SLC7A11: variants seen among roughly 807,000 people sequenced by gnomAD.
The protein encoded by SLC7A11 is cystine/glutamate transporter.
SLC7A11 carries 35 observed loss-of-function variants against 54.5 expected under a neutral mutation model. The ratio of observed to expected loss-of-function variants is 0.64; its 90% confidence interval spans 0.49 to 0.85. SLC7A11 has a LOEUF of 0.85. Among genes scored for constraint, SLC7A11 ranks in the 40% least tolerant of loss-of-function variants. The probability of loss-of-function intolerance (pLI) is 0.00; values close to 1 mark genes in which losing one functional copy is unlikely to be tolerated. For missense variants in SLC7A11, 583 were observed against 618.1 expected, an observed-to-expected ratio of 0.94 and a Z score of 0.60; for synonymous variants, 230 against 225.2, an observed-to-expected ratio of 1.02 and a Z score of -0.19.
Position 138,166,726 on chromosome 4 carries a change from C to G in SLC7A11, c.*5230G>C, listed in dbSNP as rs1360952228. 6.6e-6 allele frequency: 1 copy of G among 152,412 alleles called. No homozygotes were observed. The allele number at this position is 152,412 out of a possible 1,614,324, so 9.4% of individuals were successfully genotyped here. ...CTTGATTCAAGTACGCTGAAACACACACATGTAACAGCTATTAGGACACTG... is the reference window on the plus strand; with the variant it reads ...CTTGATTCAAGTACGCTGAAACACAGACATGTAACAGCTATTAGGACACTG... On this transcript the variant is annotated 3_prime_UTR_variant, in exon 12 of 12. Coordinates refer to ENST00000280612, the MANE Select transcript of SLC7A11 (RefSeq NM_014331.4).
In SLC7A11 at chr4:138,234,982, A is replaced by C. The variant is rs568447494; in HGVS notation, c.404+1343T>G. 2.0e-5 allele frequency among the ~76,000 whole-genome samples: 3 copies of C among 152,348 alleles called. No homozygotes were observed. The South Asian group carries it at 6.2e-4, about 32-fold the overall frequency. On this transcript the variant is annotated intron_variant, in intron 2 of 11. Transcript: ENST00000280612. ...ATTTAATATATGCCAAAAAAAGGGC[A>C]CTGACCTAAGTAGTATATGGGTTAC...
chr4:138,183,064 GA>G, intron 8 of SLC7A11, 137 bp downstream of exon 8: 1 of 637,598 alleles, frequency 1.6e-6, no homozygotes, highest in Non-Finnish European at 2.8e-6. Context: ...TTGATACTTG[GA>G]CCAATATTTC....
At chr4:138,181,597 TC>T (rs1480891328) in intron 9 of SLC7A11, among the ~76,000 whole-genome samples, 2 of 152,094 alleles carry the variant, frequency 1.3e-5, no homozygotes, top group Non-Finnish European at 2.9e-5. Context: ...AAAAAAATGT[TC>T]AGTGCATTCT....
chr4:138,220,486 T>C (rs185256023), intron 4 of SLC7A11, among the ~76,000 whole-genome samples: 2 of 152,274 alleles, frequency 1.3e-5, no homozygotes, highest in Admixed American at 1.3e-4. Flanking sequence ...TGAAAAGATA[T>C]TATAATGAAC....
In SLC7A11 at chr4:138,164,099, A is replaced by T. The variant is rs1471924170; in HGVS notation, c.*7857T>A. 3 of 152,604 alleles carry T rather than the reference A, an allele frequency of 2.0e-5. No individual in the cohort carries two copies. In the Admixed American group the frequency reaches 2.0e-4, roughly 10 times the overall value. The allele number at this position is 152,604 out of a possible 1,614,324, so 9.5% of individuals were successfully genotyped here. A position where few individuals can be genotyped will look rare whatever the true frequency, so the allele number is the denominator to read the frequency against. On this transcript the variant is annotated 3_prime_UTR_variant, in exon 12 of 12. Coordinates refer to ENST00000280612, the MANE Select transcript of SLC7A11 (RefSeq NM_014331.4). ...AAAGCAAAACATGACGACATTTATT[A>T]TGTAAACTATCAAATGTTTATTTAA...
chr4:138,227,065 G>A (rs1466595863), intron 3 of SLC7A11, among the ~76,000 whole-genome samples: 1 of 152,176 alleles, frequency 6.6e-6, no homozygotes, highest in Non-Finnish European at 1.5e-5. Flanking sequence ...GAATGTTAAG[G>A]ACTGAAGCTG....
At chr4:138,184,001 A>G (rs530584658) in intron 7 of SLC7A11, among the ~76,000 whole-genome samples, 7 of 152,306 alleles carry the variant, frequency 4.6e-5, no homozygotes, top group Non-Finnish European at 7.4e-5. Flanking sequence ...CTTTTATGCC[A>G]TGATATGTGC....
intron 5 of SLC7A11, among the ~76,000 whole-genome samples, chr4:138,216,349 G>C (rs1263687460): frequency 6.6e-6 from 1 of 151,854 alleles, no homozygotes; most frequent in East Asian, 1.9e-4. Flanking sequence ...AAAAGGAAGA[G>C]AAAAAGACAC....
intron 6 of SLC7A11, among the ~76,000 whole-genome samples, chr4:138,196,667 TATTA>T (rs1737139743): frequency 6.6e-6 from 1 of 150,490 alleles, no homozygotes; most frequent in South Asian, 2.1e-4. Flanking sequence ...TTTATTTTAT[TATTA>T]TTTTTTAGAC....
At position 138,212,177 on chromosome 4, in the gene SLC7A11, A is replaced by G. The variant is rs371281071; in HGVS notation, c.791+2408T>C. On this transcript the variant is annotated intron_variant, in intron 6 of 11. Coordinates refer to ENST00000280612, the MANE Select transcript of SLC7A11 (RefSeq NM_014331.4). The stretch of plus-strand genomic sequence containing the variant: ...GGATCAAGAATGCATAATAGAGATC[A>G]AAAATGCATATGAGGTTTGACACTA... Among the ~76,000 whole-genome samples the G allele has an allele frequency of 1.8e-3, 275 of 151,992 alleles. 2 individuals carry two copies. Among genetic ancestry groups the G allele is most frequent in the African/African-American group, 6.1e-3 (255 of 41,540 alleles).
chr4:138,177,509 A>G, intron 11 of SLC7A11: 1 of 149,506 alleles, frequency 6.7e-6, no homozygotes, highest in African/African-American at 2.5e-5. Flanking sequence ...TCCACAAGGG[A>G]TCCAGTCTAG....
At chr4:138,174,513 A>C (rs1736517418) in intron 11 of SLC7A11, 1 of 152,232 alleles carries the variant, frequency 6.6e-6, no homozygotes, top group South Asian at 2.1e-4. Flanking sequence ...TCTGCAGAGT[A>C]ATTGATTTTG....
At chr4:138,190,989 C>T (rs1284548796) in intron 6 of SLC7A11, among the ~76,000 whole-genome samples, 1 of 152,056 alleles carries the variant, frequency 6.6e-6, no homozygotes, top group African/African-American at 2.4e-5. Context: ...TAGTTTTCTA[C>T]TGAGTGGGAA....
intron 6 of SLC7A11, among the ~76,000 whole-genome samples, chr4:138,213,335 A>G (rs1232700427): frequency 6.6e-6 from 1 of 152,044 alleles, no homozygotes; most frequent in Non-Finnish European, 1.5e-5. Flanking sequence ...AAACTCCGAC[A>G]TTCCTGGTAC....
chr4:138,201,458 A>G (rs1387769559), intron 6 of SLC7A11, among the ~76,000 whole-genome samples: 1 of 152,146 alleles, frequency 6.6e-6, no homozygotes, highest in Non-Finnish European at 1.5e-5. Flanking sequence ...GATTTAAAAA[A>G]CTATGAGCCT....
intron 6 of SLC7A11, among the ~76,000 whole-genome samples, chr4:138,202,985 T>G (rs1737324230): frequency 6.6e-6 from 1 of 152,212 alleles, no homozygotes; most frequent in East Asian, 1.9e-4. Context: ...AAATCAGATC[T>G]TTAATACACC....
rs538076254 is a variant in SLC7A11, at chr4:138,186,463, C to A, written c.792-1219G>T. Among the ~76,000 whole-genome samples the A allele has an allele frequency of 1.1e-3, 169 of 152,246 alleles. 1 individual carries two copies. The highest frequency in any genetic ancestry group is 3.6e-3 in the African/African-American group (151 of 41,568). ...CCCTGTTGAAAACATGCTAGCCTAG[C>A]CAGTCAGCAACTGTCATTCATTATG... On this transcript the variant is annotated intron_variant, in intron 6 of 11. Transcript: ENST00000280612.
At chr4:138,232,441 A>AT (rs1738102797) in intron 2 of SLC7A11, 59 bp from the exon 3 acceptor site, 4 of 909,572 alleles carry the variant, frequency 4.4e-6, no homozygotes, top group South Asian at 4.4e-5. Context: ...ATTTTCATTA[A>AT]TTTTTTCTAC....
chr4:138,179,748 G>A (rs1457617585), intron 10 of SLC7A11, among the ~76,000 whole-genome samples: 1 of 152,140 alleles, frequency 6.6e-6, no homozygotes, highest in Non-Finnish European at 1.5e-5. Flanking sequence ...CTGGCTCTTT[G>A]ATAATTATGA....
Sources: gnomAD v4.1 joint callset for allele counts (sites outside exome capture counted in the v4.1 genomes callset) on GRCh38, gnomAD v4.1.1 for gene constraint, MANE v1.5 for transcripts, NCBI Gene and HGNC (gene_info 2026-07-23, HGNC 2026-07-21) for gene names.